MTRF1L: variants seen among roughly 807,000 people sequenced by gnomAD.
MTRF1L encodes mitochondrial translation release factor 1 like, also known as peptide chain release factor 1-like, mitochondrial.
In MTRF1L, 29 loss-of-function variants were observed where a neutral mutation model predicts 40.0. That is an observed-to-expected ratio of 0.73 (90% CI 0.54 to 0.99). The LOEUF (loss-of-function observed/expected upper bound fraction) is 0.99, where lower values mean the gene tolerates loss of function less well. Ranked by LOEUF, MTRF1L falls within the 50% of genes least tolerant of loss-of-function variation. MTRF1L has a pLI of 0.00. For synonymous variants in MTRF1L, 150 were observed against 175.8 expected (o/e 0.85, Z 1.16); for missense variants, 412 against 464.5 (o/e 0.89, Z 1.04).
In MTRF1L at chr6:152,990,010, A is replaced by G. The variant is rs1170908377; in HGVS notation, c.1028T>C (p.Leu343Pro). The change falls in exon 7 of 7, where the codon CTG becomes CCG. Residue 343 changes from leucine to proline, a missense_variant. By Grantham distance (98) the Leu-to-Pro change is moderately conservative. Coordinates refer to ENST00000367233, the MANE Select transcript of MTRF1L (RefSeq NM_019041.7). ...TTGCATAAAAGTTTCAAGATCATGCAGCGTCTTGTTTATTCTGTGATCTGT... is the reference window on the plus strand; with the variant it reads ...TTGCATAAAAGTTTCAAGATCATGCGGCGTCTTGTTTATTCTGTGATCTGT... Reference protein sequence around the residue: ...RVTDHRINKTLHDLETFMQGD... With the variant: ...RVTDHRINKTPHDLETFMQGD... 1 of 1,613,724 alleles carries G rather than the reference A, an allele frequency of 6.2e-7. No homozygotes were observed. Among genetic ancestry groups the G allele is most frequent in the Non-Finnish European group, 8.5e-7 (1 of 1,179,868 alleles).
intron 1 of MTRF1L, among the ~76,000 whole-genome samples, chr6:153,000,767 A>G (rs1294778645): frequency 1.3e-5 from 2 of 151,752 alleles, no homozygotes; most frequent in Non-Finnish European, 2.9e-5. Context: ...TATCAAGACC[A>G]TTTTTATTCA....
At chr6:152,999,042 A>G (rs1778816588) in intron 1 of MTRF1L, among the ~76,000 whole-genome samples, 1 of 152,030 alleles carries the variant, frequency 6.6e-6, no homozygotes. Flanking sequence ...CAGTAAAACT[A>G]AAATTCAATT....
At chr6:152,993,344 G>GA (rs75641486) in intron 4 of MTRF1L, among the ~76,000 whole-genome samples, 18,669 of 150,516 alleles carry the variant, frequency 0.12, 1,177 homozygotes, top group South Asian at 0.21. Context: ...CTAGCAGCAG[G>GA]AAAAAAAAAT....
intron 2 of MTRF1L, chr6:152,998,296 G>A (rs552291529): frequency 3.3e-4 from 75 of 224,650 alleles, no homozygotes; most frequent in Admixed American, 1.7e-4. Context: ...TGTGAAGTTT[G>A]TTCTTTAAAA....
At chr6:152,994,901 T>C in intron 3 of MTRF1L, 3 of 707,976 alleles carry the variant, frequency 4.2e-6, no homozygotes, top group Non-Finnish European at 6.9e-6. Flanking sequence ...CAGTAACACA[T>C]CTAAGACTAC....
At chr6:152,999,098 T>A (rs1266714086) in intron 1 of MTRF1L, among the ~76,000 whole-genome samples, 1 of 152,196 alleles carries the variant, frequency 6.6e-6, no homozygotes, top group Non-Finnish European at 1.5e-5. Flanking sequence ...TTCATTAGTA[T>A]TTTAGTATCC....
intron 2 of MTRF1L, among the ~76,000 whole-genome samples, chr6:152,995,592 G>A (rs550956553): frequency 8.5e-5 from 13 of 152,134 alleles, no homozygotes; most frequent in African/African-American, 3.1e-4. Context: ...TGTATGCTTT[G>A]TATCAGTTCT....
intron 5 of MTRF1L, among the ~76,000 whole-genome samples, chr6:152,991,739 C>T (rs968473652): frequency 6.6e-6 from 1 of 152,056 alleles, no homozygotes; most frequent in Admixed American, 6.5e-5. Context: ...TTAGTAGAGA[C>T]GGGGTTTCAC....
chr6:152,995,863 A>G (rs1405790337), intron 2 of MTRF1L, among the ~76,000 whole-genome samples: 2 of 152,238 alleles, frequency 1.3e-5, no homozygotes, highest in Admixed American at 1.3e-4. Flanking sequence ...AGAGCTTAAC[A>G]GAGATTAAAT....
In MTRF1L at chr6:153,002,692, T is replaced by C; in HGVS notation, c.-7A>G. 2 of 1,475,098 alleles carry C rather than the reference T, an allele frequency of 1.4e-6. No individual in the cohort carries two copies. The highest frequency in any genetic ancestry group is 1.8e-6 in the Non-Finnish European group (2 of 1,118,154). The allele number at this position is 1,475,098 out of a possible 1,614,324, so 91.4% of individuals were successfully genotyped here. Reference sequence around the variant, plus strand: ...ACAGAACCCGGGACCGCATCCTTAGTCCGAGATCGCGGACCCTGACCGGAA... The same window carrying C: ...ACAGAACCCGGGACCGCATCCTTAGCCCGAGATCGCGGACCCTGACCGGAA... On this transcript the variant is annotated 5_prime_UTR_variant, in exon 1 of 7. Coordinates refer to ENST00000367233, the MANE Select transcript of MTRF1L (RefSeq NM_019041.7).
rs114354343 is a variant in MTRF1L, at chr6:152,990,103, T to C, written c.943-8A>G. 1.9e-5 allele frequency: 31 copies of C among 1,610,918 alleles called. No individual in the cohort carries two copies. In the African/African-American group the frequency reaches 3.1e-4, roughly 16 times the overall value. On this transcript the variant is annotated splice_region_variant and splice_polypyrimidine_tract_variant and intron_variant, in intron 6 of 6. Transcript: ENST00000367233. ...TCTTCCTTTACTTCCAATCTGTATA[T>C]AGAGAAAAAGATGAGATGCAGCTAG...
chr6:153,001,743 T>G (rs1019318856), intron 1 of MTRF1L, among the ~76,000 whole-genome samples: 1 of 152,198 alleles, frequency 6.6e-6, no homozygotes, highest in African/African-American at 2.4e-5. Context: ...CATTTCTTCT[T>G]TGGATTGTTT....
chr6:153,002,632 G>A lies in MTRF1L; in HGVS notation c.54C>T (p.Ala18=), dbSNP rs1353817830. Reference sequence around the variant, plus strand: ...TCAGGGGCCGGCGGGCTGGGCCAACGGCCCGGCGGGGCCAGAGCCACCGGG... The same window carrying A: ...TCAGGGGCCGGCGGGCTGGGCCAACAGCCCGGCGGGGCCAGAGCCACCGGG... ...GAARWLWPRR[A]VGPARRPLSS... is the part of the protein sequence containing the mutation. The change falls in exon 1 of 7, where the codon GCC becomes GCT. Residue 18 remains alanine, a synonymous_variant. Coordinates refer to ENST00000367233, the MANE Select transcript of MTRF1L (RefSeq NM_019041.7). The A allele has an allele frequency of 1.4e-5, 21 of 1,526,870 alleles. No individual in the cohort carries two copies. The highest frequency in any genetic ancestry group is 8.9e-5 in the Admixed American group (4 of 44,922). The allele number at this position is 1,526,870 out of a possible 1,614,324, so 94.6% of individuals were successfully genotyped here. A position where few individuals can be genotyped will look rare whatever the true frequency, so the allele number is the denominator to read the frequency against.
Position 152,994,695 on chromosome 6 carries a change from T to A in MTRF1L, c.524-19A>T, listed in dbSNP as rs773935126. 6.2e-7 allele frequency: 1 copy of A among 1,613,666 alleles called. No individual in the cohort carries two copies. Among genetic ancestry groups the A allele is most frequent in the Non-Finnish European group, 8.5e-7 (1 of 1,179,596 alleles). On this transcript the variant is annotated intron_variant, in intron 3 of 6. Coordinates refer to ENST00000367233, the MANE Select transcript of MTRF1L (RefSeq NM_019041.7). ...AGGCCACCTTGAAAATACAGGGAAA[T>A]AGAATTATTTTTATTATTCCTGCCA...
Position 152,990,097 on chromosome 6 carries a change from T to C in MTRF1L, c.943-2A>G. The C allele has an allele frequency of 6.2e-7, 1 of 1,612,758 alleles. No individual in the cohort carries two copies. The highest frequency in any genetic ancestry group is 8.5e-7 in the Non-Finnish European group (1 of 1,179,674). On this transcript the variant is annotated splice_acceptor_variant, in intron 6 of 6. Transcript: ENST00000367233. LOFTEE classifies it high-confidence loss of function. The stretch of plus-strand genomic sequence containing the variant: ...CTCTGATCTTCCTTTACTTCCAATC[T>C]GTATATAGAGAAAAAGATGAGATGC...
At chr6:152,998,380 A>G (rs1778790809) in intron 2 of MTRF1L, 170 bp downstream of exon 2, 1 of 454,164 alleles carries the variant, frequency 2.2e-6, no homozygotes, top group African/African-American at 2.0e-5. Flanking sequence ...TACCTTAAAT[A>G]TATGCAATTT....
In MTRF1L at chr6:152,998,558, T is replaced by G; in HGVS notation, c.331A>C (p.Lys111Gln). Residue 111 changes from lysine to glutamine, a missense_variant, in exon 2 of 7, where the codon AAG (lysine) becomes CAG (glutamine). Transcript: ENST00000367233. The stretch of plus-strand genomic sequence containing the variant: ...TTGCAGAAATACCATACCTGATGCT[T>G]CAGCTGAGTTATTTCTTTTTGACAC... ...TLCQKEITQL[K>Q]HQIILLLVPS... The G allele has an allele frequency of 6.3e-7, 1 of 1,586,882 alleles. No individual in the cohort carries two copies. The highest frequency in any genetic ancestry group is 8.6e-7 in the Non-Finnish European group (1 of 1,168,820).
chr6:152,991,096 A>AATATG (rs57440464), intron 6 of MTRF1L, 89 bp downstream of exon 6: 329,871 of 845,474 alleles, frequency 0.39, 66,612 homozygotes, highest in Admixed American at 0.46. Context: ...GGTTAAAACA[A>AATATG]ATATATAAAA....
At chr6:152,995,736 C>T (rs1289520675) in intron 2 of MTRF1L, among the ~76,000 whole-genome samples, 1 of 152,134 alleles carries the variant, frequency 6.6e-6, no homozygotes, top group Non-Finnish European at 1.5e-5. Flanking sequence ...GCACTCAAAA[C>T]TACATTTGTA....
Sources: gnomAD v4.1 joint callset for allele counts (sites outside exome capture counted in the v4.1 genomes callset) on GRCh38, gnomAD v4.1.1 for gene constraint, MANE v1.5 for transcripts, NCBI Gene and HGNC (gene_info 2026-07-23, HGNC 2026-07-21) for gene names.